PCDHA3: variants seen among roughly 807,000 people sequenced by gnomAD.
PCDHA3 encodes the protein protocadherin alpha 3.
Under a neutral mutation model 62.2 loss-of-function variants are expected in PCDHA3, and 41 were observed. The observed-to-expected ratio is 0.66, with a 90% CI of 0.51 to 0.86. The LOEUF (loss-of-function observed/expected upper bound fraction) is 0.86, where lower values mean the gene tolerates loss of function less well. Among genes scored for constraint, PCDHA3 ranks in the 40% least tolerant of loss-of-function variants. PCDHA3 has a pLI of 0.00. For synonymous variants in PCDHA3, 640 were observed against 555.4 expected, an observed-to-expected ratio of 1.15 and a Z score of -2.14; for missense variants, 1,304 against 1,241.2, an observed-to-expected ratio of 1.05 and a Z score of -0.76.
intron 1 of PCDHA3, chr5:140,856,754 G>T: frequency 6.3e-7 from 1 of 1,596,774 alleles, no homozygotes; most frequent in Non-Finnish European, 8.6e-7. Context: ...AGATGCCAAT[G>T]ATAACGCCCC....
intron 1 of PCDHA3, among the ~76,000 whole-genome samples, chr5:140,906,888 A>C (rs1438258969): frequency 6.6e-6 from 1 of 152,102 alleles, no homozygotes; most frequent in Admixed American, 6.5e-5. Flanking sequence ...CTTCCTTCTT[A>C]GATTGTTGGT....
Position 140,858,482 on chromosome 5 carries a change from A to G in PCDHA3, c.2394+54891A>G, listed in dbSNP as rs369228910. The G allele has an allele frequency of 2.7e-6, 4 of 1,507,654 alleles. 1 individual carries two copies. In the African/African-American group the frequency reaches 5.6e-5, roughly 21 times the overall value. 93.4% of individuals were successfully genotyped at this position (1,507,654 alleles called of 1,614,324 possible). On this transcript the variant is annotated intron_variant, in intron 1 of 3. Transcript: ENST00000522353. Reference sequence around the variant, plus strand: ...TTTCCTTTTGTGCTTTATGAATAATATTTTCTCTTACCGCATTTTCTCAAA... The same window carrying G: ...TTTCCTTTTGTGCTTTATGAATAATGTTTTCTCTTACCGCATTTTCTCAAA...
chr5:140,892,608 TA>T (rs1442553538), intron 1 of PCDHA3, among the ~76,000 whole-genome samples: 2 of 152,184 alleles, frequency 1.3e-5, no homozygotes, highest in African/African-American at 4.8e-5. Flanking sequence ...TTTTTCCTTT[TA>T]TTTCCAGTTG....
At chr5:140,926,925 G>A (rs1554203816) in intron 1 of PCDHA3, 1 of 1,574,118 alleles carries the variant, frequency 6.4e-7, no homozygotes, top group Admixed American at 1.8e-5. Flanking sequence ...TTTTATGTTT[G>A]TGGGTTTCCT....
chr5:140,988,038 T>C (rs1045669411), intron 3 of PCDHA3, among the ~76,000 whole-genome samples: 1 of 152,212 alleles, frequency 6.6e-6, no homozygotes, highest in African/African-American at 2.4e-5. Flanking sequence ...TTTTAGAATC[T>C]GTTTAGGAGC....
chr5:140,847,462 G>A (rs2150400776), intron 1 of PCDHA3: 2 of 149,808 alleles, frequency 1.3e-5, no homozygotes, highest in African/African-American at 2.4e-5. Context: ...TTAATTAATC[G>A]ACTTGGACGT....
intron 1 of PCDHA3, chr5:140,825,625 T>C (rs1768653929): frequency 6.6e-6 from 1 of 151,914 alleles, no homozygotes; most frequent in Admixed American, 6.6e-5. Context: ...TTTCACCATG[T>C]TGGTCATGGT....
chr5:140,935,527 C>G (rs956168876), intron 1 of PCDHA3, among the ~76,000 whole-genome samples: 4 of 152,172 alleles, frequency 2.6e-5, no homozygotes, highest in Non-Finnish European at 5.9e-5. Context: ...CATGTACAGT[C>G]AAATTATTGT....
intron 1 of PCDHA3, chr5:140,843,028 G>T: frequency 6.3e-7 from 1 of 1,595,268 alleles, no homozygotes; most frequent in Non-Finnish European, 8.6e-7. Context: ...TGGAGCCTCG[G>T]GTGGGTGGCA....
At chr5:140,963,911 T>C (rs2095797811) in intron 1 of PCDHA3, among the ~76,000 whole-genome samples, 1 of 152,238 alleles carries the variant, frequency 6.6e-6, no homozygotes, top group African/African-American at 2.4e-5. Context: ...AAGTGAAGCT[T>C]AGGCTAAGTA....
intron 1 of PCDHA3, chr5:140,870,896 C>A (rs946837071): frequency 4.3e-6 from 7 of 1,613,822 alleles, no homozygotes; most frequent in Non-Finnish European, 5.9e-6. Context: ...GCAGTGGATG[C>A]GGACTCAGGC....
chr5:140,939,904 T>A (rs1554213033), intron 1 of PCDHA3, among the ~76,000 whole-genome samples: 3 of 152,228 alleles, frequency 2.0e-5, no homozygotes, highest in Non-Finnish European at 2.9e-5. Context: ...TTCTGCATTC[T>A]TTTTTATTCT....
At chr5:140,824,611 T>TTG (rs1554129944) in intron 1 of PCDHA3, 3 of 19,848 alleles carry the variant, frequency 1.5e-4, no homozygotes, top group African/African-American at 5.0e-4. Context: ...CTAATTAAAG[T>TTG]TTTTTTTTTT....
chr5:140,879,973 C>T (rs1554171113), intron 1 of PCDHA3, among the ~76,000 whole-genome samples: 1 of 152,200 alleles, frequency 6.6e-6, no homozygotes, highest in East Asian at 1.9e-4. Context: ...GGATAAACTC[C>T]TTTCAAGATC....
intron 1 of PCDHA3, among the ~76,000 whole-genome samples, chr5:140,912,103 G>A (rs1431283462): frequency 6.6e-6 from 1 of 152,212 alleles, no homozygotes; most frequent in Non-Finnish European, 1.5e-5. Context: ...GGAGAAAGAT[G>A]TAGGCTGGGA....
intron 1 of PCDHA3, chr5:140,830,296 C>G: frequency 1.2e-6 from 2 of 1,613,846 alleles, no homozygotes; most frequent in Non-Finnish European, 1.7e-6. Context: ...GCACGGCGGA[C>G]AAGCCCACGC....
intron 1 of PCDHA3, chr5:140,877,402 C>T: frequency 6.2e-7 from 1 of 1,613,934 alleles, no homozygotes; most frequent in African/African-American, 1.3e-5. Flanking sequence ...GGACGCTCCG[C>T]GCCACCGCCT....
At chr5:140,918,742 A>T (rs2078833886) in intron 1 of PCDHA3, among the ~76,000 whole-genome samples, 1 of 152,170 alleles carries the variant, frequency 6.6e-6, no homozygotes, top group Non-Finnish European at 1.5e-5. Context: ...GCCCTTATAA[A>T]AGAGGCCCAG....
Position 140,841,611 on chromosome 5 carries a change from G to A in PCDHA3, c.2394+38020G>A, listed in dbSNP as rs2150319293. ...CGGATCGACCGCGAGGAGCTGTGCG[G>A]GCGGAGCGCGGAGTGCAGCATCCAC... On this transcript the variant is annotated intron_variant, in intron 1 of 3. Transcript: ENST00000522353. 6 of 1,614,136 alleles carry A rather than the reference G, an allele frequency of 3.7e-6. No individual in the cohort carries two copies. The highest frequency in any genetic ancestry group is 4.2e-6 in the Non-Finnish European group (5 of 1,180,014).
Sources: allele counts gnomAD v4.1 joint callset (sites outside exome capture counted in the v4.1 genomes callset), GRCh38; gene constraint gnomAD v4.1.1; transcripts MANE v1.5; gene names NCBI Gene and HGNC (gene_info 2026-07-23, HGNC 2026-07-21).